Variants in ADGRL2 observed in about 807,000 individuals in gnomAD.
ADGRL2 encodes calcium-independent alpha-latrotoxin receptor 2.
A neutral mutation model predicts 157.4 loss-of-function variants in ADGRL2; 44 were observed. That is an observed-to-expected ratio of 0.28 (90% confidence interval 0.22 to 0.36). The LOEUF (loss-of-function observed/expected upper bound fraction) is 0.36, where lower values mean the gene tolerates loss of function less well. Among genes scored for constraint, ADGRL2 ranks in the 10% least tolerant of loss-of-function variants. ADGRL2 has a pLI of 1.00. For missense variants in ADGRL2, 1,510 were observed against 1,768.9 expected (o/e 0.85, Z 2.63); for synonymous variants, 585 against 624.7 (o/e 0.94, Z 0.95).
At chr1:81,616,646 GTTTTT>G (rs370929751) in intron 3 of ADGRL2, among the ~76,000 whole-genome samples, 4 of 111,158 alleles carry the variant, frequency 3.6e-5, no homozygotes, top group South Asian at 3.1e-4. Context: ...AGTTTTTTGG[GTTTTT>G]TTTTTTTCTT....
intron 3 of ADGRL2, among the ~76,000 whole-genome samples, chr1:81,667,862 A>G (rs1413873491): frequency 6.6e-6 from 1 of 152,190 alleles, no homozygotes; most frequent in Non-Finnish European, 1.5e-5. Context: ...TAAAATTTAC[A>G]TCTACTGCGT....
intron 1 of ADGRL2, among the ~76,000 whole-genome samples, chr1:81,428,172 C>A (rs1570940396): frequency 6.6e-6 from 1 of 152,112 alleles, no homozygotes; most frequent in Non-Finnish European, 1.5e-5. Flanking sequence ...CTATTCTCCC[C>A]ATTTCCAAAC....
At chr1:81,643,899 A>G (rs1275876649) in intron 3 of ADGRL2, among the ~76,000 whole-genome samples, 1 of 152,220 alleles carries the variant, frequency 6.6e-6, no homozygotes, top group Non-Finnish European at 1.5e-5. Flanking sequence ...GGATATCAAC[A>G]AACTGATTCT....
At chr1:81,661,194 T>TAA (rs2082643169) in intron 3 of ADGRL2, among the ~76,000 whole-genome samples, 1 of 151,724 alleles carries the variant, frequency 6.6e-6, no homozygotes, top group African/African-American at 2.4e-5. Context: ...GCATTTTTTT[T>TAA]ATTAATCTTT....
chr1:81,354,402 T>A (rs768446439), intron 1 of ADGRL2, among the ~76,000 whole-genome samples: 3 of 152,192 alleles, frequency 2.0e-5, no homozygotes, highest in Non-Finnish European at 4.4e-5. Context: ...AATATGTGTA[T>A]CTTTTTGAAC....
chr1:81,967,912 A>G (rs1657610460), intron 13 of ADGRL2, 114 bp from the exon 14 acceptor site: 1 of 858,250 alleles, frequency 1.2e-6, no homozygotes, highest in South Asian at 1.7e-5. Context: ...GAAAAACTTT[A>G]TAGTCTGAAA....
At chr1:81,781,309 T>G (rs2086803304) in intron 2 of ADGRL2, among the ~76,000 whole-genome samples, 2 of 152,162 alleles carry the variant, frequency 1.3e-5, no homozygotes, top group Admixed American at 1.3e-4. Context: ...GTGGAGGTGC[T>G]GCAGGACCTG....
intron 2 of ADGRL2, among the ~76,000 whole-genome samples, chr1:81,773,242 G>T (rs1051213914): frequency 1.3e-5 from 2 of 152,174 alleles, no homozygotes; most frequent in East Asian, 1.9e-4. Context: ...CCAGTAAATT[G>T]CCTGTGCTGA....
chr1:81,821,013 G>T (rs1196717026), intron 1 of ADGRL2, among the ~76,000 whole-genome samples: 1 of 152,078 alleles, frequency 6.6e-6, no homozygotes, highest in East Asian at 1.9e-4. Context: ...GTGTGTGATG[G>T]CTTGCTGCTT....
chr1:81,447,204 G>C (rs2077613968), intron 2 of ADGRL2, among the ~76,000 whole-genome samples: 2 of 139,652 alleles, frequency 1.4e-5, no homozygotes, highest in Admixed American at 7.3e-5. Flanking sequence ...ATTCCCAGAT[G>C]ATACTTACGT....
chr1:81,585,680 A>G (rs1370777253), intron 3 of ADGRL2, among the ~76,000 whole-genome samples: 1 of 152,144 alleles, frequency 6.6e-6, no homozygotes, highest in East Asian at 1.9e-4. Context: ...CATAATTTCC[A>G]GAGGTGATGT....
At chr1:81,773,862 G>T (rs954371610) in intron 2 of ADGRL2, among the ~76,000 whole-genome samples, 2 of 152,178 alleles carry the variant, frequency 1.3e-5, no homozygotes, top group African/African-American at 4.8e-5. Context: ...TGGAGACAAG[G>T]TCTTTAAAGA....
intron 3 of ADGRL2, among the ~76,000 whole-genome samples, chr1:81,619,116 A>C (rs1570654401): frequency 6.6e-6 from 1 of 152,358 alleles, no homozygotes; most frequent in African/African-American, 2.4e-5. Flanking sequence ...TTGCTGTACC[A>C]TGTCTAAAGA....
intron 11 of ADGRL2, among the ~76,000 whole-genome samples, chr1:81,957,246 T>A (rs1056935424): frequency 6.6e-6 from 1 of 150,780 alleles, no homozygotes; most frequent in Non-Finnish European, 1.5e-5. Flanking sequence ...GAAAATTTCA[T>A]GGGCTGGGTT....
chr1:81,987,076 G>C (rs1020239672), intron 22 of ADGRL2, 47 bp downstream of exon 22: 5 of 1,595,390 alleles, frequency 3.1e-6, no homozygotes, highest in Non-Finnish European at 4.3e-6. Flanking sequence ...CTGCTAAACA[G>C]AGCTATGATC....
intron 2 of ADGRL2, among the ~76,000 whole-genome samples, chr1:81,561,546 A>C (rs980899623): frequency 6.0e-5 from 9 of 149,536 alleles, no homozygotes; most frequent in Non-Finnish European, 8.9e-5. Context: ...CTGCAACCAC[A>C]ATCTCCCGGG....
At chr1:81,362,746 G>A (rs11163260) in intron 1 of ADGRL2, among the ~76,000 whole-genome samples, 18,322 of 151,794 alleles carry the variant, frequency 0.12, 1,252 homozygotes, top group African/African-American at 0.16. Context: ...AATGTTTTGT[G>A]TCATTTCCTT....
chr1:81,562,696 T>TA (rs1557464365), intron 2 of ADGRL2, among the ~76,000 whole-genome samples: 1 of 152,020 alleles, frequency 6.6e-6, no homozygotes, highest in African/African-American at 2.4e-5. Flanking sequence ...GCAGTTTTTT[T>TA]AAAAAAATTG....
At position 81,802,212 on chromosome 1, in the gene ADGRL2, G is replaced by A. The variant is rs370988370; in HGVS notation, c.-101+1144G>A. Among the ~76,000 whole-genome samples the A allele has an allele frequency of 2.6e-5, 4 of 152,150 alleles. 1 individual carries two copies. The highest frequency in any genetic ancestry group is 2.1e-4 in the South Asian group (1 of 4,834). On this transcript the variant is annotated intron_variant, in intron 1 of 23. Coordinates refer to ENST00000686636, the MANE Select transcript of ADGRL2 (RefSeq NM_001366006.2). ...CCACGCCAGACGGCCCTCCCTCGGG[G>A]CGCGCTCGCAGACGGAGGTAAGAGC...
Sources: allele counts gnomAD v4.1 joint callset (sites outside exome capture counted in the v4.1 genomes callset), GRCh38; gene constraint gnomAD v4.1.1; transcripts MANE v1.5; gene names NCBI Gene and HGNC (gene_info 2026-07-23, HGNC 2026-07-21).